Variants in EPS15 observed in about 807,000 individuals in gnomAD.
The protein encoded by EPS15 is epidermal growth factor receptor substrate 15.
In EPS15, 72 loss-of-function variants were observed where a neutral mutation model predicts 113.8. The ratio of observed to expected loss-of-function variants is 0.63; its 90% CI spans 0.52 to 0.77. The LOEUF is 0.77. Among genes scored for constraint, EPS15 ranks in the 30% least tolerant of loss-of-function variants. The pLI is 0.00. For synonymous variants in EPS15, 344 were observed against 363.4 expected (o/e 0.95, Z 0.61); for missense variants, 1,048 against 1,045.8 (o/e 1.00, Z -0.03).
At chr1:51,468,651 A>G (rs1267493153) in intron 4 of EPS15, 83 bp from the exon 5 acceptor site, 2 of 863,332 alleles carry the variant, frequency 2.3e-6, no homozygotes, top group African/African-American at 3.4e-5. Flanking sequence ...ATCTAAAAAT[A>G]TAAAACAATT....
chr1:51,429,448 AT>A (rs1390680667), intron 12 of EPS15, among the ~76,000 whole-genome samples: 1 of 152,098 alleles, frequency 6.6e-6, no homozygotes, highest in Admixed American at 6.5e-5. Flanking sequence ...AAAGTAGTAA[AT>A]TTTATGTTAT....
At chr1:51,408,090 A>C (rs779030082) in intron 15 of EPS15, 45 bp downstream of exon 15, 1 of 1,509,556 alleles carries the variant, frequency 6.6e-7, no homozygotes, top group Non-Finnish European at 9.2e-7. Context: ...ACTAAAGGAC[A>C]CAGAGGATCC....
At chr1:51,441,800 C>T (rs929423496) in intron 11 of EPS15, among the ~76,000 whole-genome samples, 2 of 152,108 alleles carry the variant, frequency 1.3e-5, no homozygotes, top group African/African-American at 4.8e-5. Context: ...CCAGCCAATA[C>T]GTAGTTTAAT....
At chr1:51,421,759 G>A (rs1650779393) in intron 13 of EPS15, 27 bp downstream of exon 13, 2 of 1,430,500 alleles carry the variant, frequency 1.4e-6, no homozygotes, top group South Asian at 2.9e-5. Context: ...AATCAGCAGT[G>A]GAACACTAAA....
At chr1:51,451,154 G>A (rs924026213) in intron 8 of EPS15, among the ~76,000 whole-genome samples, 2 of 151,858 alleles carry the variant, frequency 1.3e-5, no homozygotes, top group African/African-American at 2.4e-5. Flanking sequence ...TTGTGGTAAG[G>A]AGGAAATAAT....
intron 1 of EPS15, among the ~76,000 whole-genome samples, chr1:51,489,303 A>ATG (rs1553135972): frequency 3.6e-5 from 5 of 140,036 alleles, no homozygotes; most frequent in African/African-American, 1.1e-4. Flanking sequence ...ATATATATAT[A>ATG]TATGTATGTA....
In EPS15 at chr1:51,403,061, G is replaced by C. The variant is rs112697232; in HGVS notation, c.1791+358C>G. Among the ~76,000 whole-genome samples the C allele has an allele frequency of 7.1e-3, 1,077 of 152,158 alleles. 6 individuals carry two copies. The highest frequency in any genetic ancestry group is 0.025 in the African/African-American group (1,034 of 41,524). ...ATTCATCTGAGGAAAACAGTGATAA[G>C]GACATTTTTTTAAAATATCATTTAA... On this transcript the variant is annotated intron_variant, in intron 17 of 24. Coordinates refer to ENST00000371733, the MANE Select transcript of EPS15 (RefSeq NM_001981.3).
chr1:51,356,068 T>C lies in EPS15; in HGVS notation c.*632A>G. Reference sequence around the variant, plus strand: ...AAAAATTTATTTCACACATGAGGCTTTAATATTTTTAGTTAGGAAAAGATC... The same window carrying C: ...AAAAATTTATTTCACACATGAGGCTCTAATATTTTTAGTTAGGAAAAGATC... On this transcript the variant is annotated 3_prime_UTR_variant, in exon 25 of 25. Transcript: ENST00000371733. 5.0e-6 allele frequency: 1 copy of C among 201,018 alleles called. No homozygotes were observed. The highest frequency in any genetic ancestry group is 1.0e-5 in the Non-Finnish European group (1 of 97,660). The allele number at this position is 201,018 out of a possible 1,614,324, so 12.5% of individuals were successfully genotyped here.
intron 13 of EPS15, among the ~76,000 whole-genome samples, chr1:51,419,837 G>GT (rs1304143991): frequency 7.2e-5 from 11 of 152,092 alleles, no homozygotes; most frequent in Admixed American, 1.3e-4. Context: ...ACCACCTATG[G>GT]TAAGTTTTGC....
At chr1:51,459,919 CAT>C (rs1654302881) in intron 8 of EPS15, among the ~76,000 whole-genome samples, 3 of 151,616 alleles carry the variant, frequency 2.0e-5, no homozygotes, top group Admixed American at 2.0e-4. Flanking sequence ...ACTGAAGAAA[CAT>C]AATACTCATC....
intron 1 of EPS15, among the ~76,000 whole-genome samples, chr1:51,487,663 G>C (rs1001309015): frequency 6.6e-6 from 1 of 152,122 alleles, no homozygotes; most frequent in Non-Finnish European, 1.5e-5. Flanking sequence ...TACACAGTAA[G>C]AAATCCTGAT....
chr1:51,429,075 G>C (rs1299442631), intron 12 of EPS15, among the ~76,000 whole-genome samples: 1 of 152,050 alleles, frequency 6.6e-6, no homozygotes, highest in Non-Finnish European at 1.5e-5. Flanking sequence ...TTTCTGTAGA[G>C]ACAAGGTCTC....
chr1:51,472,465 T>A (rs1288715488), intron 3 of EPS15, among the ~76,000 whole-genome samples: 1 of 152,212 alleles, frequency 6.6e-6, no homozygotes. Flanking sequence ...TCCACCTCTT[T>A]GTGCTCTTTT....
intron 1 of EPS15, among the ~76,000 whole-genome samples, chr1:51,517,980 C>T (rs1263240014): frequency 2.0e-5 from 3 of 152,164 alleles, no homozygotes; most frequent in Non-Finnish European, 4.4e-5. Context: ...TATCCCAGCG[C>T]TAAAGCCTTA....
chr1:51,390,131 A>C (rs1335504152), intron 21 of EPS15, among the ~76,000 whole-genome samples: 1 of 152,190 alleles, frequency 6.6e-6, no homozygotes, highest in East Asian at 1.9e-4. Context: ...AGATCAATGG[A>C]ACAGAACAGA....
chr1:51,408,147 C>G lies in EPS15; in HGVS notation c.1461G>C (p.Gln487His). ...PLQQHLQDSQ[Q>H]EISSMQMKLM... ...TACAAAGACTTACTGAACTAATTTCCTGTTGTGAATCTTGTAGGTGCTGCT... is the reference window on the plus strand; with the variant it reads ...TACAAAGACTTACTGAACTAATTTCGTGTTGTGAATCTTGTAGGTGCTGCT... Residue 487 changes from glutamine to histidine, a missense_variant, in exon 15 of 25, where the codon CAG (glutamine) becomes CAC (histidine). By Grantham distance (24) the Gln-to-His change is conservative (BLOSUM62 0). Coordinates refer to ENST00000371733, the MANE Select transcript of EPS15 (RefSeq NM_001981.3). The G allele has an allele frequency of 1.9e-6, 3 of 1,613,962 alleles. No individual in the cohort carries two copies. The highest frequency in any genetic ancestry group is 1.7e-6 in the Non-Finnish European group (2 of 1,179,836).
chr1:51,390,518 G>C (rs1405822450), intron 21 of EPS15, among the ~76,000 whole-genome samples: 3 of 151,566 alleles, frequency 2.0e-5, no homozygotes, highest in East Asian at 3.9e-4. Context: ...TACCATCAGA[G>C]TGAACAGGCA....
intron 1 of EPS15, among the ~76,000 whole-genome samples, chr1:51,484,083 C>T (rs1047398113): frequency 6.6e-6 from 1 of 151,844 alleles, no homozygotes; most frequent in African/African-American, 2.4e-5. Flanking sequence ...TGCACTCTAG[C>T]CTGGGCAACA....
At chr1:51,406,710 C>T (rs1649167803) in intron 15 of EPS15, among the ~76,000 whole-genome samples, 1 of 152,066 alleles carries the variant, frequency 6.6e-6, no homozygotes, top group Non-Finnish European at 1.5e-5. Flanking sequence ...ACTACAACAA[C>T]TCTTTCAGGT....
Sources: allele counts gnomAD v4.1 joint callset (sites outside exome capture counted in the v4.1 genomes callset), GRCh38; gene constraint gnomAD v4.1.1; transcripts MANE v1.5; gene names NCBI Gene and HGNC (gene_info 2026-07-23, HGNC 2026-07-21).